Variants in SF3A1 observed in about 807,000 individuals in gnomAD.
The protein encoded by SF3A1 is splicing factor 3a subunit 1.
In SF3A1, 13 loss-of-function variants were observed where a neutral mutation model predicts 89.9. The observed-to-expected ratio is 0.14, with a 90% CI of 0.09 to 0.23. The LOEUF (loss-of-function observed/expected upper bound fraction) is 0.23, where lower values mean the gene tolerates loss of function less well. Among genes scored for constraint, SF3A1 ranks in the 10% least tolerant of loss-of-function variants. The pLI, the probability that SF3A1 is intolerant of heterozygous loss-of-function variation, is 1.00. For synonymous variants in SF3A1, 405 were observed against 374.4 expected (o/e 1.08, Z -0.94); for missense variants, 604 against 1,022.1 (o/e 0.59, Z 5.58).
At chr22:30,356,652 C>CG (rs1410419731) in intron 1 of SF3A1, 78 bp downstream of exon 1, 1 of 1,147,276 alleles carries the variant, frequency 8.7e-7, no homozygotes, top group Non-Finnish European at 1.2e-6. Context: ...TCATAGCGGC[C>CG]GGCCGCTTAT....
chr22:30,336,766 G>GTC (rs1458769515), intron 13 of SF3A1, among the ~76,000 whole-genome samples: 5 of 151,960 alleles, frequency 3.3e-5, no homozygotes, highest in Non-Finnish European at 7.4e-5. Context: ...GTTGGCCTCT[G>GTC]TAAGTCTACA....
rs1931007576 is a variant in SF3A1, at chr22:30,334,513, A to AG, written c.*80dup. The AG allele has an allele frequency of 9.6e-6, 8 of 829,278 alleles. No individual in the cohort carries two copies. Among genetic ancestry groups the AG allele is most frequent in the East Asian group, 2.8e-5 (1 of 35,534 alleles). The allele number at this position is 829,278 out of a possible 1,614,324, so 51.4% of individuals were successfully genotyped here. A position where few individuals can be genotyped will look rare whatever the true frequency, so the allele number is the denominator to read the frequency against. On this transcript the variant is annotated 3_prime_UTR_variant, in exon 16 of 16. Coordinates refer to ENST00000215793, the MANE Select transcript of SF3A1 (RefSeq NM_005877.6). ...AAATATGCAGGCAAGGCAAAGCCTC[A>AG]GGGGGGCTCCTGGGTCTGGGGCAGG...
intron 3 of SF3A1, among the ~76,000 whole-genome samples, chr22:30,346,022 T>C (rs1029732555): frequency 1.3e-5 from 2 of 152,146 alleles, no homozygotes; most frequent in Non-Finnish European, 2.9e-5. Context: ...AGGCCTTGAA[T>C]AAATCACACG....
intron 9 of SF3A1, 125 bp from the exon 10 acceptor site, chr22:30,339,376 C>A (rs1931176719): frequency 1.7e-6 from 2 of 1,204,734 alleles, no homozygotes; most frequent in Non-Finnish European, 1.2e-6. Flanking sequence ...TGACTCAGGG[C>A]CCCAACTCTT....
In SF3A1 at chr22:30,334,079, A is replaced by G. The variant is rs1019581407; in HGVS notation, c.*515T>C. The G allele has an allele frequency of 6.6e-6, 1 of 152,280 alleles. No individual in the cohort carries two copies. The highest frequency in any genetic ancestry group is 2.4e-5 in the African/African-American group (1 of 41,454). 9.4% of individuals were successfully genotyped at this position (152,280 alleles called of 1,614,324 possible). ...CAGCAAGAATTTAGTTACAAAACCC[A>G]AAAATCCTCAAAGAGAAGCCACATA... On this transcript the variant is annotated 3_prime_UTR_variant, in exon 16 of 16. Coordinates refer to ENST00000215793, the MANE Select transcript of SF3A1 (RefSeq NM_005877.6).
rs779191370 is a variant in SF3A1 at position 30,338,839 on chromosome 22, T to G, written c.1693A>C (p.Asn565His). 1 of 1,614,140 alleles carries G rather than the reference T, an allele frequency of 6.2e-7. No homozygotes were observed. The highest frequency in any genetic ancestry group is 8.5e-7 in the Non-Finnish European group (1 of 1,180,012). Residue 565 changes from asparagine to histidine, a missense_variant, in exon 11 of 16, where the codon AAC becomes CAC. Physicochemically the swap from Asn to His is moderately conservative, Grantham distance 68 (BLOSUM62 1). Transcript: ENST00000215793. ...ATGGGTGGAGCCGAGCTGGGGATGT[T>G]GGTGGCTGAAGATGGTGGCGGTGGC... Reference protein sequence around the residue: ...QQPPPPSSATNIPSSAPPITS... With the variant: ...QQPPPPSSATHIPSSAPPITS...
intron 15 of SF3A1, 64 bp from the exon 16 acceptor site, chr22:30,334,759 T>G (rs530400960): frequency 3.0e-5 from 34 of 1,137,802 alleles, no homozygotes; most frequent in Admixed American, 2.1e-5. Context: ...GCTGCAACCT[T>G]ACAACTGTGC....
intron 15 of SF3A1, 89 bp from the exon 16 acceptor site, chr22:30,334,784 C>A: frequency 2.3e-6 from 2 of 876,274 alleles, no homozygotes. Flanking sequence ...GGTCTGTTTG[C>A]GCTCTGGACT....
At chr22:30,352,277 C>CTG (rs1278305533) in intron 2 of SF3A1, among the ~76,000 whole-genome samples, 1 of 151,844 alleles carries the variant, frequency 6.6e-6, no homozygotes, top group Non-Finnish European at 1.5e-5. Flanking sequence ...CTGCATGGAA[C>CTG]TGTGGGGAGA....
intron 9 of SF3A1, among the ~76,000 whole-genome samples, chr22:30,339,717 T>A (rs1217346229): frequency 2.0e-5 from 3 of 152,190 alleles, no homozygotes; most frequent in Non-Finnish European, 4.4e-5. Flanking sequence ...ATGGAGCCAC[T>A]GCACTCCAGC....
chr22:30,346,576 T>C lies in SF3A1; in HGVS notation c.186-57A>G, dbSNP rs556648564. On this transcript the variant is annotated intron_variant, in intron 2 of 15. Coordinates refer to ENST00000215793, the MANE Select transcript of SF3A1 (RefSeq NM_005877.6). The stretch of plus-strand genomic sequence containing the variant: ...CCACTCCCTTGTGCCTGCTGTGATC[T>C]AGAACACTGCCCATTGGAACGTCCT... 5.5e-4 allele frequency: 871 copies of C among 1,587,832 alleles called. 13 individuals are homozygous for C. In the South Asian group the frequency reaches 9.2e-3, roughly 17 times the overall value.
At chr22:30,352,001 CAG>C (rs571252592) in intron 2 of SF3A1, among the ~76,000 whole-genome samples, 210 of 152,344 alleles carry the variant, frequency 1.4e-3, no homozygotes, top group African/African-American at 4.4e-3. Flanking sequence ...TGGGGAGAGA[CAG>C]GGGGAACTCG....
At chr22:30,341,504 G>C (rs1931252428) in intron 7 of SF3A1, among the ~76,000 whole-genome samples, 188 bp downstream of exon 7, 1 of 152,222 alleles carries the variant, frequency 6.6e-6, no homozygotes, top group Non-Finnish European at 1.5e-5. Flanking sequence ...GCCTATGAAT[G>C]AATCTTTGTT....
At position 30,356,757 on chromosome 22, in the gene SF3A1, C is replaced by A; in HGVS notation, c.36G>T (p.Pro12=). The change falls in exon 1 of 16, where the codon CCG becomes CCT. Residue 12 remains proline, a synonymous_variant. Transcript: ENST00000215793. ...PAGPVQAVPP[P]PPVPTEPKQP... ...GTTTGGGCTCCGTGGGCACGGGCGG[C>A]GGCGGGGGCACCGCCTGCACGGGTC... 6.7e-7 allele frequency: 1 copy of A among 1,482,144 alleles called. No individual in the cohort carries two copies. Among genetic ancestry groups the A allele is most frequent in the East Asian group, 2.8e-5 (1 of 35,978 alleles). The allele number at this position is 1,482,144 out of a possible 1,614,324, so 91.8% of individuals were successfully genotyped here.
At chr22:30,345,250 G>A (rs1283391594) in intron 3 of SF3A1, 60 bp from the exon 4 acceptor site, 16 of 1,523,438 alleles carry the variant, frequency 1.1e-5, no homozygotes, top group Non-Finnish European at 1.3e-5. Flanking sequence ...CCAGGGGAGG[G>A]GAGGGGAGGG....
intron 2 of SF3A1, among the ~76,000 whole-genome samples, chr22:30,351,449 T>C (rs992617717): frequency 1.3e-5 from 2 of 152,188 alleles, no homozygotes; most frequent in African/African-American, 4.8e-5. Context: ...CACATGCTGA[T>C]TGGGCCTGCT....
Position 30,332,638 on chromosome 22 carries a change from C to T in SF3A1, c.*1956G>A, listed in dbSNP as rs1930951435. 1 of 152,276 alleles carries T rather than the reference C, an allele frequency of 6.6e-6. No individual in the cohort carries two copies. The highest frequency in any genetic ancestry group is 2.4e-5 in the African/African-American group (1 of 41,470). The allele number at this position is 152,276 out of a possible 1,614,324, so 9.4% of individuals were successfully genotyped here. A position where few individuals can be genotyped will look rare whatever the true frequency, so the allele number is the denominator to read the frequency against. On this transcript the variant is annotated 3_prime_UTR_variant, in exon 16 of 16. Transcript: ENST00000215793. ...CTACCTACATGCTGCAGGTCCTAAA[C>T]TAGTGCAGTGCCAAGCAGCACACTG...
chr22:30,341,960 G>T, intron 6 of SF3A1, 75 bp from the exon 7 acceptor site: 1 of 1,434,710 alleles, frequency 7.0e-7, no homozygotes, highest in African/African-American at 1.4e-5. Flanking sequence ...CTCCCCAAGG[G>T]CTGGGGCCAT....
At chr22:30,346,955 G>A (rs991691023) in intron 2 of SF3A1, among the ~76,000 whole-genome samples, 1 of 152,196 alleles carries the variant, frequency 6.6e-6, no homozygotes, top group Non-Finnish European at 1.5e-5. Context: ...AAGTTTAGCT[G>A]GAAGTTTGCT....
Sources: gnomAD v4.1 joint callset for allele counts (sites outside exome capture counted in the v4.1 genomes callset) on GRCh38, gnomAD v4.1.1 for gene constraint, MANE v1.5 for transcripts, NCBI Gene and HGNC (gene_info 2026-07-23, HGNC 2026-07-21) for gene names.